The following DCTN4 variants were observed in gnomAD, a reference collection of about 807,000 sequenced individuals.
DCTN4 encodes the protein dynactin subunit 4, also known as dynactin 4 (p62).
A neutral mutation model predicts 62.7 loss-of-function variants in DCTN4; 23 were observed. The observed-to-expected ratio is 0.37, with a 90% CI of 0.26 to 0.52. The LOEUF (loss-of-function observed/expected upper bound fraction) is 0.52, where lower values mean the gene tolerates loss of function less well. DCTN4 is among the 20% of genes least tolerant of loss of function. The pLI is 0.92. For synonymous variants in DCTN4, 199 were observed against 202.1 expected, an observed-to-expected ratio of 0.98 and a Z score of 0.13; for missense variants, 514 against 580.4, an observed-to-expected ratio of 0.89 and a Z score of 1.18.
intron 3 of DCTN4, among the ~76,000 whole-genome samples, chr5:150,748,928 A>G (rs1477036259): frequency 1.3e-5 from 2 of 151,946 alleles, no homozygotes; most frequent in Non-Finnish European, 2.9e-5. Context: ...CCTAAAACTT[A>G]AAGTATAATA....
chr5:150,753,539 G>A lies in DCTN4; in HGVS notation c.325C>T (p.Leu109=), dbSNP rs531875955. Residue 109 remains leucine, a synonymous_variant, in exon 3 of 13, where the codon CTG becomes TTG. Transcript: ENST00000447998. ...GTCCAGCGACAAAATCCACATGCCA[G>A]GTAATAGGCTTTCTTCATGGTGGTC... The part of the protein sequence containing the change: ...AKTTMKKAYY[L]ACGFCRWTSR... 1.1e-5 allele frequency: 17 copies of A among 1,614,204 alleles called. 1 individual carries two copies. The highest frequency in any genetic ancestry group is 1.6e-4 in the Middle Eastern group (1 of 6,062).
chr5:150,747,553 C>G (rs1340864968), intron 3 of DCTN4, among the ~76,000 whole-genome samples: 1 of 152,212 alleles, frequency 6.6e-6, no homozygotes, highest in African/African-American at 2.4e-5. Flanking sequence ...TACAAGGCTA[C>G]AGTAACCAAA....
chr5:150,712,491 G>C (rs1350439866), intron 12 of DCTN4, among the ~76,000 whole-genome samples: 1 of 152,068 alleles, frequency 6.6e-6, no homozygotes. Context: ...GCAGTGGCAC[G>C]ATCATAGTTC....
At chr5:150,737,625 T>G (rs1760628549) in intron 4 of DCTN4, among the ~76,000 whole-genome samples, 1 of 152,126 alleles carries the variant, frequency 6.6e-6, no homozygotes, top group Admixed American at 6.5e-5. Context: ...AAAGCAGTGC[T>G]AAGAAGAAAG....
chr5:150,732,551 C>T (rs56844814), intron 5 of DCTN4, among the ~76,000 whole-genome samples: 22,971 of 152,082 alleles, frequency 0.15, 3,139 homozygotes, highest in African/African-American at 0.36. Flanking sequence ...TAACTAGGTC[C>T]CATTTCCTCA....
intron 3 of DCTN4, chr5:150,743,155 G>A (rs1042060361): frequency 6.5e-5 from 10 of 152,690 alleles, no homozygotes; most frequent in African/African-American, 2.2e-4. Context: ...CTTAGGAAAC[G>A]GCGCACCAGG....
At chr5:150,731,019 A>G in intron 7 of DCTN4, 25 bp downstream of exon 7, 2 of 1,380,886 alleles carry the variant, frequency 1.4e-6, no homozygotes, top group Admixed American at 3.6e-5. Context: ...GACTAGAAAC[A>G]AAGTAGAAAA....
intron 8 of DCTN4, among the ~76,000 whole-genome samples, chr5:150,729,826 T>C (rs1237721155): frequency 6.6e-6 from 1 of 152,122 alleles, no homozygotes; most frequent in Non-Finnish European, 1.5e-5. Context: ...TACCAGTGTT[T>C]AAATTTTCTC....
chr5:150,736,323 T>C (rs1024545172), intron 4 of DCTN4: 3 of 152,076 alleles, frequency 2.0e-5, no homozygotes, highest in African/African-American at 7.2e-5. Flanking sequence ...TTATCTAAAG[T>C]CAAGACAAAG....
chr5:150,734,808 G>A (rs1760516640), intron 4 of DCTN4, among the ~76,000 whole-genome samples: 1 of 152,186 alleles, frequency 6.6e-6, no homozygotes, highest in East Asian at 1.9e-4. Context: ...GGGGCATGGT[G>A]GGAGTGAGAC....
At chr5:150,714,820 G>C (rs1759696767) in intron 12 of DCTN4, among the ~76,000 whole-genome samples, 1 of 152,170 alleles carries the variant, frequency 6.6e-6, no homozygotes, top group Non-Finnish European at 1.5e-5. Flanking sequence ...GGAGGCCTGA[G>C]TTTCAGCTAC....
Position 150,731,084 on chromosome 5 carries a change from T to C in DCTN4, c.684A>G (p.Leu228=). 3.1e-6 allele frequency: 5 copies of C among 1,611,838 alleles called. No homozygotes were observed. The highest frequency in any genetic ancestry group is 3.3e-4 in the Middle Eastern group (2 of 6,062). Residue 228 remains leucine (L), a synonymous_variant, in exon 7 of 13, where the codon CTA becomes CTG. Transcript: ENST00000447998. The part of the protein sequence containing the change: ...PAQAVDEVEP[L]PEDYYTRPVN... ...CTGGTCTTGTATAATAGTCTTCAGGTAGAGGTTCCACTTCATCCACAGCCT... is the reference window on the plus strand; with the variant it reads ...CTGGTCTTGTATAATAGTCTTCAGGCAGAGGTTCCACTTCATCCACAGCCT...
Position 150,746,833 on chromosome 5 carries a change from T to C in DCTN4, c.386-4676A>G, listed in dbSNP as rs531877591. Among the ~76,000 whole-genome samples, 15 of 152,280 alleles carry C rather than the reference T, an allele frequency of 9.9e-5. No homozygotes were observed. In the East Asian group the frequency reaches 2.1e-3, roughly 22 times the overall value. On this transcript the variant is annotated intron_variant, in intron 3 of 12. Transcript: ENST00000447998. ...TATCACAAACCCACAGCCAATATCA[T>C]ACTGAATGGGCAAAAACTGGAAGCA...
At chr5:150,750,989 TATA>T (rs1752651122) in intron 3 of DCTN4, among the ~76,000 whole-genome samples, 1 of 152,214 alleles carries the variant, frequency 6.6e-6, no homozygotes, top group Admixed American at 6.5e-5. Flanking sequence ...AACACTTTAG[TATA>T]ATATTATTTT....
At chr5:150,756,039 C>CTTTT (rs777641858) in intron 2 of DCTN4, among the ~76,000 whole-genome samples, 2 of 124,988 alleles carry the variant, frequency 1.6e-5, no homozygotes, top group South Asian at 2.5e-4. Flanking sequence ...TTTCATGTGT[C>CTTTT]TTTTTTTTTT....
chr5:150,718,634 T>C (rs1489002656), intron 10 of DCTN4, among the ~76,000 whole-genome samples: 1 of 151,944 alleles, frequency 6.6e-6, no homozygotes. Flanking sequence ...AGTTACTAGA[T>C]CCAGAAATTC....
At chr5:150,731,609 A>T in intron 5 of DCTN4, 120 bp from the exon 6 acceptor site, 1 of 760,574 alleles carries the variant, frequency 1.3e-6, no homozygotes. Context: ...AAAAAAAGCT[A>T]ATCTAAAGGC....
At chr5:150,732,021 T>C in intron 5 of DCTN4, 1 of 879,728 alleles carries the variant, frequency 1.1e-6, no homozygotes, top group Non-Finnish European at 1.9e-6. Flanking sequence ...AATAATTCAT[T>C]TAATTCAAAT....
chr5:150,753,510 A>G lies in DCTN4; in HGVS notation c.354T>C (p.Ser118=). Residue 118 remains serine (S), a synonymous_variant, in exon 3 of 13, where the codon TCT becomes TCC. Coordinates refer to ENST00000447998, the MANE Select transcript of DCTN4 (RefSeq NM_016221.4). The part of the protein sequence containing the change: ...YLACGFCRWT[S]RDVGMADKSV... ...ATTTGTCTGCCATGCCCACATCTCT[A>G]GACGTCCAGCGACAAAATCCACATG... 1.2e-6 allele frequency: 2 copies of G among 1,614,194 alleles called. No homozygotes were observed. Among genetic ancestry groups the G allele is most frequent in the Non-Finnish European group, 1.7e-6 (2 of 1,180,024 alleles).
Sources: gnomAD v4.1 joint callset for allele counts (sites outside exome capture counted in the v4.1 genomes callset) on GRCh38, gnomAD v4.1.1 for gene constraint, MANE v1.5 for transcripts, NCBI Gene and HGNC (gene_info 2026-07-23, HGNC 2026-07-21) for gene names.